GPR137B: variants seen among roughly 807,000 people sequenced by gnomAD.
GPR137B encodes G protein-coupled receptor 137B.
In GPR137B, 42 loss-of-function variants were observed where a neutral mutation model predicts 42.5. The ratio of observed to expected loss-of-function variants is 0.99; its 90% CI spans 0.77 to 1.28. The LOEUF (loss-of-function observed/expected upper bound fraction) is 1.28. Ranked by LOEUF, GPR137B falls within the 50% of genes most tolerant of loss-of-function variation. The pLI, the probability that GPR137B is intolerant of heterozygous loss-of-function variation, is 0.00. For synonymous variants in GPR137B, 218 were observed against 209.7 expected (o/e 1.04, Z -0.34); for missense variants, 487 against 493.9 (o/e 0.99, Z 0.13).
intron 6 of GPR137B, among the ~76,000 whole-genome samples, chr1:236,205,841 GA>G (rs1376067133): frequency 1.3e-5 from 2 of 151,900 alleles, no homozygotes; most frequent in Non-Finnish European, 2.9e-5. Flanking sequence ...CACCCGGCCA[GA>G]AAAAAAACTT....
chr1:236,144,327 C>T (rs1034580827), intron 1 of GPR137B, among the ~76,000 whole-genome samples: 2 of 151,846 alleles, frequency 1.3e-5, no homozygotes, highest in Admixed American at 6.6e-5. Flanking sequence ...AGGTGGGAGG[C>T]GGAGCCCGGG....
intron 5 of GPR137B, among the ~76,000 whole-genome samples, chr1:236,193,905 G>A (rs766734960): frequency 1.3e-5 from 2 of 152,160 alleles, no homozygotes; most frequent in Non-Finnish European, 2.9e-5. Context: ...TGTTGCTCGT[G>A]TTCTGGTGTC....
chr1:236,160,550 C>A (rs1571970121), intron 1 of GPR137B, among the ~76,000 whole-genome samples: 1 of 152,226 alleles, frequency 6.6e-6, no homozygotes, highest in Non-Finnish European at 1.5e-5. Flanking sequence ...TGTCTGTCCA[C>A]AAGCATGCTC....
Position 236,178,785 on chromosome 1 carries a change from GTTTTTTTTTTTTTTTTTTT to G in GPR137B, c.687+161_687+179del. On this transcript the variant is annotated intron_variant, in intron 3 of 6. Coordinates refer to ENST00000366592, the MANE Select transcript of GPR137B (RefSeq NM_003272.4). ...GTCTCCCACACAGGGGCTACTCGAG[GTTTTTTTTTTTTTTTTTTT>G]TTTTTTTTTTTGAGACGGAGTCTCA... 1.0e-4 allele frequency: 5 copies of G among 48,384 alleles called. No individual in the cohort carries two copies. In the South Asian group the frequency reaches 1.2e-3, roughly 12 times the overall value. The allele number at this position is 48,384 out of a possible 1,614,324, so 3.0% of individuals were successfully genotyped here.
At position 236,180,081 on chromosome 1, in the gene GPR137B, C is replaced by T. The variant is rs111985390; in HGVS notation, c.837+53C>T. Reference sequence around the variant, plus strand: ...CCTGACCAGGGACTCTTGGTATCCTCGAGGCATTGGTTCCAGGACCCCAGA... The same window carrying T: ...CCTGACCAGGGACTCTTGGTATCCTTGAGGCATTGGTTCCAGGACCCCAGA... On this transcript the variant is annotated intron_variant, in intron 4 of 6. Coordinates refer to ENST00000366592, the MANE Select transcript of GPR137B (RefSeq NM_003272.4). 3.1e-3 allele frequency: 4,568 copies of T among 1,494,886 alleles called. 116 individuals carry two copies. The African/African-American group carries it at 0.049, about 16-fold the overall frequency. The allele number at this position is 1,494,886 out of a possible 1,614,324, so 92.6% of individuals were successfully genotyped here.
At chr1:236,147,152 C>T (rs887643387) in intron 1 of GPR137B, among the ~76,000 whole-genome samples, 24 of 152,198 alleles carry the variant, frequency 1.6e-4, no homozygotes, top group African/African-American at 5.3e-4. Context: ...AAAGCTTCTC[C>T]CACACTGTCC....
intron 1 of GPR137B, among the ~76,000 whole-genome samples, chr1:236,148,387 T>A (rs1338340206): frequency 6.6e-6 from 1 of 152,174 alleles, no homozygotes; most frequent in Non-Finnish European, 1.5e-5. Flanking sequence ...ATTCCCAGCC[T>A]GGAACTCAGA....
Position 236,142,594 on chromosome 1 carries a change from C to G in GPR137B, c.-29C>G. On this transcript the variant is annotated 5_prime_UTR_variant, in exon 1 of 7. Transcript: ENST00000366592. The stretch of plus-strand genomic sequence containing the variant: ...GCTGAGCGCGATGCGCGGAGACCCC[C>G]GCGGGGGCGGCGGCGGCCGTGAGCC... The G allele has an allele frequency of 7.8e-7, 1 of 1,283,050 alleles. No homozygotes were observed. The allele number at this position is 1,283,050 out of a possible 1,614,324, so 79.5% of individuals were successfully genotyped here.
intron 2 of GPR137B, among the ~76,000 whole-genome samples, chr1:236,177,669 C>A (rs1327477815): frequency 6.6e-6 from 1 of 152,018 alleles, no homozygotes; most frequent in African/African-American, 2.4e-5. Context: ...GATTCTCCTG[C>A]CTCAGCCTCC....
intron 5 of GPR137B, among the ~76,000 whole-genome samples, chr1:236,196,042 GTTTC>G (rs138942577): frequency 0.36 from 55,277 of 151,630 alleles, 11,206 homozygotes; most frequent in East Asian, 0.61. Context: ...TGACTTTGTT[GTTTC>G]TTTTACTGTG....
chr1:236,192,018 C>A (rs558404758), intron 5 of GPR137B, among the ~76,000 whole-genome samples: 2 of 152,272 alleles, frequency 1.3e-5, no homozygotes, highest in East Asian at 3.9e-4. Flanking sequence ...TTCAGAGATG[C>A]CCTGCCCAGA....
At chr1:236,194,074 A>C (rs914090407) in intron 5 of GPR137B, among the ~76,000 whole-genome samples, 1 of 152,224 alleles carries the variant, frequency 6.6e-6, no homozygotes, top group Non-Finnish European at 1.5e-5. Flanking sequence ...CTAGGCTAAC[A>C]ATATGGGGTA....
chr1:236,204,972 A>G (rs763287433), intron 5 of GPR137B, among the ~76,000 whole-genome samples, 154 bp from the exon 6 acceptor site: 2 of 152,214 alleles, frequency 1.3e-5, no homozygotes, highest in African/African-American at 2.4e-5. Context: ...TCTCAAACAT[A>G]AGAGTAACTG....
chr1:236,185,221 A>T (rs1254620294), intron 5 of GPR137B, among the ~76,000 whole-genome samples: 2 of 152,216 alleles, frequency 1.3e-5, no homozygotes, highest in African/African-American at 2.4e-5. Context: ...TTGGGGGGAA[A>T]TCTATAACTC....
At chr1:236,173,901 C>T (rs2102907113) in intron 2 of GPR137B, among the ~76,000 whole-genome samples, 1 of 151,476 alleles carries the variant, frequency 6.6e-6, no homozygotes, top group Middle Eastern at 3.4e-3. Flanking sequence ...GATGGTTTTG[C>T]ATTATAAAAG....
At chr1:236,190,893 G>T (rs1463874719) in intron 5 of GPR137B, among the ~76,000 whole-genome samples, 2 of 152,146 alleles carry the variant, frequency 1.3e-5, no homozygotes, top group Non-Finnish European at 2.9e-5. Flanking sequence ...GGCCTGTCTT[G>T]CTAGGTTGGA....
intron 3 of GPR137B, among the ~76,000 whole-genome samples, 162 bp from the exon 4 acceptor site, chr1:236,179,717 A>C (rs1046983962): frequency 6.6e-6 from 1 of 152,216 alleles, no homozygotes; most frequent in Non-Finnish European, 1.5e-5. Flanking sequence ...TTGAAATTGT[A>C]GGAAGAAGGA....
At chr1:236,158,656 T>A (rs2102896760) in intron 1 of GPR137B, among the ~76,000 whole-genome samples, 1 of 152,318 alleles carries the variant, frequency 6.6e-6, no homozygotes, top group Admixed American at 6.5e-5. Context: ...CTGTGCTTGG[T>A]GCACTAAGAG....
chr1:236,181,306 G>C (rs947397604), intron 4 of GPR137B, among the ~76,000 whole-genome samples: 1 of 151,776 alleles, frequency 6.6e-6, no homozygotes, highest in Non-Finnish European at 1.5e-5. Context: ...CAATGAGAAT[G>C]AACCACCATT....
Sources: allele counts gnomAD v4.1 joint callset (sites outside exome capture counted in the v4.1 genomes callset), GRCh38; gene constraint gnomAD v4.1.1; transcripts MANE v1.5; gene names NCBI Gene and HGNC (gene_info 2026-07-23, HGNC 2026-07-21).